GZMB: variants seen among roughly 807,000 people sequenced by gnomAD.
The protein encoded by GZMB is T-cell serine protease 1-3E.
Under a neutral mutation model 24.2 loss-of-function variants are expected in GZMB, and 27 were observed. The ratio of observed to expected loss-of-function variants is 1.12; its 90% CI spans 0.82 to 1.54. The LOEUF (loss-of-function observed/expected upper bound fraction) is 1.54. Among genes scored for constraint, GZMB ranks in the 40% most tolerant of loss-of-function variants. The pLI is 0.00. For missense variants in GZMB, 336 were observed against 310.1 expected (o/e 1.08, Z -0.63); for synonymous variants, 121 against 115.1 (o/e 1.05, Z -0.33).
At chr14:24,631,666 CA>C in intron 4 of GZMB, 191 bp downstream of exon 4, 2 of 609,456 alleles carry the variant, frequency 3.3e-6, no homozygotes, top group South Asian at 4.0e-5. Flanking sequence ...CACCATCCAC[CA>C]TAAGCCTCCT....
At chr14:24,633,305 C>T in intron 1 of GZMB, 1 of 985,248 alleles carries the variant, frequency 1.0e-6, no homozygotes, top group Non-Finnish European at 1.2e-6. Flanking sequence ...AGTGAAATCC[C>T]AGAGGCTCCT....
Position 24,631,987 on chromosome 14 carries a change from TGA to T in GZMB, c.469_470del (p.Ser157ThrfsTer19). On this transcript the variant is annotated frameshift_variant, in exon 4 of 5. Transcript: ENST00000216341. LOFTEE classifies it high-confidence loss of function. ...WGQTAPLGKH[S>X]HTLQEVKMTV... ...TCATCTTCACCTCTTGTAGTGTGTG[TGA>T]GTGTTTTCCCAGGGGGGCCGTCTGC... 9 of 1,614,198 alleles carry T rather than the reference TGA, an allele frequency of 5.6e-6. No homozygotes were observed. Among genetic ancestry groups the T allele is most frequent in the Non-Finnish European group, 7.6e-6 (9 of 1,180,012 alleles).
intron 1 of GZMB, 154 bp from the exon 2 acceptor site, chr14:24,633,216 A>T: frequency 1.4e-6 from 2 of 1,437,960 alleles, no homozygotes; most frequent in Non-Finnish European, 1.8e-6. Flanking sequence ...CTGCTCTGAA[A>T]AAGGGAAGAA....
chr14:24,633,389 A>G, intron 1 of GZMB: 1 of 687,958 alleles, frequency 1.5e-6, no homozygotes, highest in Non-Finnish European at 1.8e-6. Flanking sequence ...GGTGTCTAGG[A>G]TAGTGCTGCT....
At position 24,631,977 on chromosome 14, in the gene GZMB, G is replaced by A. The variant is rs762019149; in HGVS notation, c.481C>T (p.Gln161Ter). 1 of 1,614,206 alleles carries A rather than the reference G, an allele frequency of 6.2e-7. No individual in the cohort carries two copies. Among genetic ancestry groups the A allele is most frequent in the Admixed American group, 1.7e-5 (1 of 60,034 alleles). ...TCCTGCACTGTCATCTTCACCTCTTGTAGTGTGTGTGAGTGTTTTCCCAGG... is the reference window on the plus strand; with the variant it reads ...TCCTGCACTGTCATCTTCACCTCTTATAGTGTGTGTGAGTGTTTTCCCAGG... Reference protein sequence around the residue: ...APLGKHSHTLQEVKMTVQEDR... With the variant: ...APLGKHSHTL The change falls in exon 4 of 5, where the codon CAA (glutamine) becomes TAA (stop). Residue 161 changes from glutamine (Q) to a stop codon, truncating the protein, a stop_gained. Transcript: ENST00000216341. LOFTEE classifies it high-confidence loss of function.
chr14:24,633,829 C>T, intron 1 of GZMB: 1 of 515,546 alleles, frequency 1.9e-6, no homozygotes. Flanking sequence ...TTTCTAGTTT[C>T]CCATCCTCTG....
At chr14:24,632,858 G>GCCCAAGGAAGGA in intron 2 of GZMB, 57 bp downstream of exon 2, 1 of 1,547,092 alleles carries the variant, frequency 6.5e-7, no homozygotes, top group Non-Finnish European at 8.9e-7. Flanking sequence ...TTGGGAAGAA[G>GCCCAAGGAAGGA]GCAGGGGTCT....
At chr14:24,633,110 G>T (rs746648398) in intron 1 of GZMB, 48 bp from the exon 2 acceptor site, 3 of 1,546,072 alleles carry the variant, frequency 1.9e-6, no homozygotes, top group Non-Finnish European at 2.6e-6. Context: ...AATCTGCTGG[G>T]TGGGCACCTG....
chr14:24,632,844 C>A, intron 2 of GZMB, 71 bp downstream of exon 2: 2 of 1,476,382 alleles, frequency 1.4e-6, no homozygotes, highest in East Asian at 2.3e-5. Context: ...GCCCAGGGAG[C>A]TCCTTGGGAA....
rs747427440 is a variant in GZMB, at chr14:24,632,411, C to T, written c.252G>A (p.Pro84=). ...TTTTCACAGGGATAAACTGCTGGGTCGGCTCCTGTTCTTTGATATTGTGGG... is the reference window on the plus strand; with the variant it reads ...TTTTCACAGGGATAAACTGCTGGGTTGGCTCCTGTTCTTTGATATTGTGGG... ...LGAHNIKEQE[P]TQQFIPVKRP... The change falls in exon 3 of 5, where the codon CCG becomes CCA. Residue 84 remains proline, a synonymous_variant. Transcript: ENST00000216341. 3.3e-5 allele frequency: 53 copies of T among 1,613,310 alleles called. No individual in the cohort carries two copies. The highest frequency in any genetic ancestry group is 3.9e-5 in the Non-Finnish European group (46 of 1,179,788).
In GZMB at chr14:24,633,931, T is replaced by C. The variant is rs1346309914; in HGVS notation, c.55+175A>G. 5 of 714,904 alleles carry C rather than the reference T, an allele frequency of 7.0e-6. No homozygotes were observed. The Admixed American group carries it at 8.1e-5, about 12-fold the overall frequency. The allele number at this position is 714,904 out of a possible 1,614,324, so 44.3% of individuals were successfully genotyped here. A position where few individuals can be genotyped will look rare whatever the true frequency, so the allele number is the denominator to read the frequency against. ...CCACTGGCTCTTCTTGAGAATGGCCTGCTGCTCTGCCATTCCTGCTGATAG... is the reference window on the plus strand; with the variant it reads ...CCACTGGCTCTTCTTGAGAATGGCCCGCTGCTCTGCCATTCCTGCTGATAG... On this transcript the variant is annotated intron_variant, in intron 1 of 4. Transcript: ENST00000216341.
chr14:24,632,969 C>T lies in GZMB; in HGVS notation c.149G>A (p.Gly50Asp). 6.2e-7 allele frequency: 1 copy of T among 1,614,004 alleles called. No individual in the cohort carries two copies. The highest frequency in any genetic ancestry group is 8.5e-7 in the Non-Finnish European group (1 of 1,179,950). Residue 50 changes from glycine (G) to aspartate (D), a missense_variant, in exon 2 of 5, where the codon GGT becomes GAT. Gly to Asp is a moderately conservative substitution (Grantham distance 94, BLOSUM62 -1). Transcript: ENST00000216341. ...GAAGTCGTCTCGTATCAGGAAGCCA[C>T]CGCACCTCTTCAGAGACTTCTGATC... ...IWDQKSLKRC[G>D]GFLIRDDFVL...
At chr14:24,634,056 G>A (rs1490422452) in intron 1 of GZMB, 50 bp downstream of exon 1, 2 of 1,486,986 alleles carry the variant, frequency 1.3e-6, no homozygotes, top group Non-Finnish European at 1.8e-6. Context: ...GAAAGGGCAG[G>A]AGACCTGTGG....
rs768192491 is a variant in GZMB at position 24,632,073 on chromosome 14, G to A, written c.385C>T (p.Leu129=). 1.5e-5 allele frequency: 25 copies of A among 1,614,194 alleles called. No homozygotes were observed. In the East Asian group the frequency reaches 5.3e-4, roughly 35 times the overall value. Residue 129 remains leucine, a synonymous_variant, in exon 4 of 5, where the codon CTA becomes TTA. Transcript: ENST00000216341. ...TTCACCTGGGCCTTGTTGCTAGGTA[G>A]CCTGAGGGGCTGCACAGCTCTGGTC... ...KRTRAVQPLR[L]PSNKAQVKPG... is the part of the protein sequence containing the mutation.
chr14:24,631,235 G>T (rs1422408042), intron 4 of GZMB, 21 bp from the exon 5 acceptor site: 10 of 1,607,874 alleles, frequency 6.2e-6, no homozygotes, highest in Non-Finnish European at 8.5e-6. Flanking sequence ...AGAGTGGAAG[G>T]ACTGAGCTGA....
rs541920190 is a variant in GZMB, at chr14:24,632,802, A to G, written c.203+113T>C. ...CTTAACTGCCCTTTTCTCACCCTCT[A>G]AGGAGACCTCCTGGCATGTGTGTTC... On this transcript the variant is annotated intron_variant, in intron 2 of 4. Coordinates refer to ENST00000216341, the MANE Select transcript of GZMB (RefSeq NM_004131.6). 9.8e-6 allele frequency: 11 copies of G among 1,124,972 alleles called. No individual in the cohort carries two copies. The South Asian group carries it at 1.4e-4, about 14-fold the overall frequency. The allele number at this position is 1,124,972 out of a possible 1,614,324, so 69.7% of individuals were successfully genotyped here. A position where few individuals can be genotyped will look rare whatever the true frequency, so the allele number is the denominator to read the frequency against.
intron 4 of GZMB, 43 bp downstream of exon 4, chr14:24,631,815 A>G (rs924324906): frequency 1.6e-5 from 25 of 1,571,112 alleles, no homozygotes; most frequent in Non-Finnish European, 2.1e-5. Flanking sequence ...TTCCCCAAAC[A>G]TCTTTCTCCC....
Position 24,631,004 on chromosome 14 carries a change from T to C in GZMB, c.*67A>G. 4 of 1,229,952 alleles carry C rather than the reference T, an allele frequency of 3.3e-6. No homozygotes were observed. The highest frequency in any genetic ancestry group is 4.8e-6 in the Non-Finnish European group (4 of 835,788). 76.2% of individuals were successfully genotyped at this position (1,229,952 alleles called of 1,614,324 possible). On this transcript the variant is annotated 3_prime_UTR_variant, in exon 5 of 5. Coordinates refer to ENST00000216341, the MANE Select transcript of GZMB (RefSeq NM_004131.6). ...ATTCAGTTGCTGGCACCTCTCCCAGTGTAAATCTGGACTTGGCTCCAGAGA... is the reference window on the plus strand; with the variant it reads ...ATTCAGTTGCTGGCACCTCTCCCAGCGTAAATCTGGACTTGGCTCCAGAGA...
chr14:24,633,365 C>T (rs1175653720), intron 1 of GZMB: 1 of 915,772 alleles, frequency 1.1e-6, no homozygotes, highest in Non-Finnish European at 1.3e-6. Context: ...TTCCAAGACC[C>T]TTATGAGTCC....
Sources: allele counts gnomAD v4.1 joint callset, GRCh38; gene constraint gnomAD v4.1.1; transcripts MANE v1.5; gene names NCBI Gene and HGNC (gene_info 2026-07-23, HGNC 2026-07-21).